Variants in CYLC1 observed in about 807,000 individuals in gnomAD.
CYLC1 encodes cylicin-1.
Under a neutral mutation model 31.6 loss-of-function variants are expected in CYLC1, and 2 were observed. The ratio of observed to expected loss-of-function variants is 0.06; its 90% confidence interval spans 0.03 to 0.20. CYLC1 has a LOEUF of 0.20. CYLC1 is among the 10% of genes least tolerant of loss of function. CYLC1 has a pLI of 1.00. For synonymous variants in CYLC1, 185 were observed against 153.0 expected (o/e 1.21, Z -1.54); for missense variants, 595 against 424.1 (o/e 1.40, Z -3.54).
chrX:83,872,651 C>A (rs2031682197), intron 3 of CYLC1, among the ~76,000 whole-genome samples: 1 of 107,745 alleles, frequency 9.3e-6, no homozygotes, highest in Admixed American at 1.0e-4. Flanking sequence ...TTAATGGAAT[C>A]ATAAAATTCC....
At chrX:83,870,327 T>C (rs984392236) in intron 2 of CYLC1, among the ~76,000 whole-genome samples, 1 of 111,439 alleles carries the variant, frequency 9.0e-6, no homozygotes, top group Non-Finnish European at 1.9e-5. Context: ...AGCTGAAGTC[T>C]GCCTGCACTG....
Position 83,880,757 on chromosome X carries a change from T to C in CYLC1, c.1924-5795T>C, listed in dbSNP as rs745386596. ...ATGCACATTCAGGGAGCACCACTCC[T>C]ATCAACATCCCTCAAATAACAATGC... On this transcript the variant is annotated intron_variant, in intron 4 of 4. Transcript: ENST00000329312. Among the ~76,000 whole-genome samples the C allele has an allele frequency of 5.4e-5, 6 of 111,596 alleles. No individual in the cohort carries two copies. In the South Asian group the frequency reaches 2.2e-3, roughly 42 times the overall value.
In CYLC1 at chrX:83,874,221, T is replaced by A; in HGVS notation, c.1513T>A (p.Ser505Thr). Residue 505 changes from serine to threonine, a missense_variant, in exon 4 of 5, where the codon TCA (serine) becomes ACA (threonine). Transcript: ENST00000329312. ...DKKHSKEKKG[S>T]KKDIKKDARK... ...GAAACACTCAAAGGAAAAGAAAGGT[T>A]CAAAGAAAGATATCAAGAAGGATGC... 1 of 1,205,076 alleles carries A rather than the reference T, an allele frequency of 8.3e-7. No homozygotes were observed. The highest frequency in any genetic ancestry group is 1.8e-5 in the South Asian group (1 of 56,446).
chrX:83,882,538 C>T (rs997964197), intron 4 of CYLC1, among the ~76,000 whole-genome samples: 9 of 110,741 alleles, frequency 8.1e-5, no homozygotes, highest in Admixed American at 6.8e-4. Context: ...ACTATCTCTT[C>T]CCTTAACTTC....
intron 4 of CYLC1, among the ~76,000 whole-genome samples, chrX:83,878,125 AAT>A (rs1310831185): frequency 4.0e-5 from 2 of 49,947 alleles, no homozygotes; most frequent in Non-Finnish European, 6.3e-5. Context: ...TTTGTATATA[AAT>A]ATATATATAA....
chrX:83,861,428 CTGTT>C (rs200437975), intron 1 of CYLC1, among the ~76,000 whole-genome samples: 2,685 of 111,621 alleles, frequency 0.024, 32 homozygotes, highest in Middle Eastern at 0.1. Context: ...CGAATCTTGA[CTGTT>C]TGATCTCTCT....
At chrX:83,876,465 A>G (rs1052186177) in intron 4 of CYLC1, among the ~76,000 whole-genome samples, 21 of 111,550 alleles carry the variant, frequency 1.9e-4, no homozygotes, top group African/African-American at 6.2e-4. Context: ...AATTGAATAC[A>G]AGGATTAATT....
At chrX:83,879,824 G>T in intron 4 of CYLC1, among the ~76,000 whole-genome samples, 1 of 111,131 alleles carries the variant, frequency 9.0e-6, no homozygotes, top group Middle Eastern at 4.6e-3. Context: ...AGGAAGTGAG[G>T]TTTTCTTATT....
At chrX:83,870,600 C>T (rs2031649891) in intron 2 of CYLC1, among the ~76,000 whole-genome samples, 1 of 111,800 alleles carries the variant, frequency 8.9e-6, no homozygotes, top group Non-Finnish European at 1.9e-5. Flanking sequence ...AAAGATTAAA[C>T]AAGTTTACTA....
chrX:83,865,215 A>G (rs1349351462), intron 1 of CYLC1, among the ~76,000 whole-genome samples: 1 of 111,037 alleles, frequency 9.0e-6, no homozygotes, highest in Non-Finnish European at 1.9e-5. Flanking sequence ...GCATCTCAGA[A>G]ATTGGCACTA....
intron 4 of CYLC1, among the ~76,000 whole-genome samples, chrX:83,878,601 G>T (rs1432766094): frequency 8.4e-5 from 8 of 94,815 alleles, no homozygotes; most frequent in Non-Finnish European, 1.6e-4. Flanking sequence ...GTTATATTTA[G>T]TTGGTTGAGA....
intron 1 of CYLC1, among the ~76,000 whole-genome samples, chrX:83,868,399 A>G (rs762762885): frequency 9.0e-6 from 1 of 111,095 alleles, no homozygotes; most frequent in Non-Finnish European, 1.9e-5. Context: ...ATAACTAGAT[A>G]ACGGGAGCTC....
chrX:83,885,434 C>A (rs2031967758), intron 4 of CYLC1, among the ~76,000 whole-genome samples: 1 of 108,162 alleles, frequency 9.2e-6, no homozygotes, highest in African/African-American at 3.3e-5. Flanking sequence ...TCAGAGCAAC[C>A]CCAAGAGATC....
chrX:83,880,348 G>A (rs1015901307), intron 4 of CYLC1, among the ~76,000 whole-genome samples: 4 of 111,794 alleles, frequency 3.6e-5, no homozygotes, highest in African/African-American at 1.3e-4. Context: ...ATAATAAACT[G>A]TCATCGATGT....
intron 4 of CYLC1, among the ~76,000 whole-genome samples, chrX:83,878,444 AATATATATAAATATATATAAAT>A (rs1569336033): frequency 7.7e-5 from 3 of 38,789 alleles, no homozygotes; most frequent in African/African-American, 1.2e-4. Flanking sequence ...AATATATATA[AATATATATAAATATATATAAAT>A]ATATATATAA....
Position 83,871,559 on chromosome X carries a change from A to G in CYLC1, c.166A>G (p.Ile56Val). ...NDKSRPLKSQ[I>V]TVTRHDKRKL... ...TAAATCAAGACCTTTGAAATCACAA[A>G]TAACAGTTACTGTAAGTATAGAAAA... The change falls in exon 3 of 5, where the codon ATA becomes GTA. Residue 56 changes from isoleucine (I) to valine (V), a missense_variant. Ile to Val is a conservative substitution (Grantham distance 29). Transcript: ENST00000329312. 1 of 1,193,391 alleles carries G rather than the reference A, an allele frequency of 8.4e-7. No homozygotes were observed. Among genetic ancestry groups the G allele is most frequent in the Non-Finnish European group, 1.1e-6 (1 of 886,654 alleles).
chrX:83,865,037 A>T (rs998351099), intron 1 of CYLC1, among the ~76,000 whole-genome samples: 2 of 111,251 alleles, frequency 1.8e-5, no homozygotes, highest in Non-Finnish European at 3.8e-5. Context: ...GATGAATTCT[A>T]AATTTATATC....
intron 2 of CYLC1, 122 bp downstream of exon 2, chrX:83,870,027 T>G (rs780171573): frequency 2.8e-6 from 1 of 363,022 alleles, no homozygotes; most frequent in African/African-American, 2.7e-5. Flanking sequence ...TTATAAAAAT[T>G]TTATAAAAGC....
intron 3 of CYLC1, 136 bp from the exon 4 acceptor site, chrX:83,872,750 C>T: frequency 4.4e-6 from 2 of 457,249 alleles, no homozygotes. Flanking sequence ...CACACACACA[C>T]ACACAGACAC....
Sources: allele counts gnomAD v4.1 joint callset (sites outside exome capture counted in the v4.1 genomes callset), GRCh38; gene constraint gnomAD v4.1.1; transcripts MANE v1.5; gene names NCBI Gene and HGNC (gene_info 2026-07-23, HGNC 2026-07-21).